The following HSD17B12 variants were observed in gnomAD, a reference collection of about 807,000 sequenced individuals.
The protein encoded by HSD17B12 is hydroxysteroid 17-beta dehydrogenase 12, also known as very-long-chain 3-oxoacyl-CoA reductase.
Under a neutral mutation model 39.3 loss-of-function variants are expected in HSD17B12, and 32 were observed. The observed-to-expected ratio is 0.81, with a 90% CI of 0.61 to 1.09. The LOEUF (loss-of-function observed/expected upper bound fraction) is 1.09. Ranked by LOEUF, HSD17B12 falls within the 50% of genes least tolerant of loss-of-function variation. The probability of loss-of-function intolerance (pLI) is 0.00; values close to 1 mark genes in which losing one functional copy is unlikely to be tolerated. For synonymous variants in HSD17B12, 150 were observed against 146.7 expected (o/e 1.02, Z -0.16); for missense variants, 342 against 382.9 (o/e 0.89, Z 0.89).
intron 1 of HSD17B12, among the ~76,000 whole-genome samples, chr11:43,703,525 C>T (rs938744171): frequency 6.6e-6 from 1 of 152,190 alleles, no homozygotes; most frequent in Non-Finnish European, 1.5e-5. Context: ...TAGTAGAATT[C>T]AGTAGTGAAC....
In HSD17B12 at chr11:43,680,760, G is replaced by A; in HGVS notation, c.-68G>A. On this transcript the variant is annotated 5_prime_UTR_variant, in exon 1 of 11. Transcript: ENST00000278353. ...AGTGTCATCCTCACCGTCACGGCCG[G>A]CGCCTCCTCCTGGATTCATTCACTC... 7.0e-7 allele frequency: 1 copy of A among 1,422,222 alleles called. No homozygotes were observed. The highest frequency in any genetic ancestry group is 9.9e-7 in the Non-Finnish European group (1 of 1,006,810). The allele number at this position is 1,422,222 out of a possible 1,614,324, so 88.1% of individuals were successfully genotyped here. A position where few individuals can be genotyped will look rare whatever the true frequency, so the allele number is the denominator to read the frequency against.
At chr11:43,847,578 A>G (rs1951488634) in intron 9 of HSD17B12, among the ~76,000 whole-genome samples, 1 of 151,944 alleles carries the variant, frequency 6.6e-6, no homozygotes, top group Admixed American at 6.6e-5. Context: ...GTGGTGGTGC[A>G]TGCCTGTGGT....
At chr11:43,656,924 G>A in the HSD17B12 span, among the ~76,000 whole-genome samples, 1 of 152,116 alleles carries the variant, frequency 6.6e-6, no homozygotes, top group Admixed American at 6.5e-5. Context: ...GGTCTGCTTG[G>A]TGCAGAGCTG....
chr11:43,738,814 C>T (rs1680009671), intron 1 of HSD17B12, among the ~76,000 whole-genome samples: 1 of 152,076 alleles, frequency 6.6e-6, no homozygotes, highest in Non-Finnish European at 1.5e-5. Flanking sequence ...ACCAGCATGG[C>T]TAGATAGTAG....
At chr11:43,569,081 T>C in the HSD17B12 span, among the ~76,000 whole-genome samples, 8 of 152,152 alleles carry the variant, frequency 5.3e-5, no homozygotes, top group Admixed American at 1.3e-4. Flanking sequence ...CATTTTCACA[T>C]TGGTTCTTAC....
the HSD17B12 span, among the ~76,000 whole-genome samples, chr11:43,560,923 CA>C: frequency 6.6e-6 from 1 of 151,002 alleles, no homozygotes; most frequent in Non-Finnish European, 1.5e-5. Flanking sequence ...GAATCCGCAG[CA>C]AAAAAAAACT....
the HSD17B12 span, among the ~76,000 whole-genome samples, chr11:43,630,341 C>A: frequency 6.6e-6 from 1 of 152,128 alleles, no homozygotes; most frequent in African/African-American, 2.4e-5. Flanking sequence ...GCTTTGACAA[C>A]CTGTGTTTCA....
the HSD17B12 span, among the ~76,000 whole-genome samples, chr11:43,602,226 T>A: frequency 6.6e-6 from 1 of 152,222 alleles, no homozygotes; most frequent in East Asian, 1.9e-4. Context: ...ATAAAATCAA[T>A]ACATGTTCAT....
At chr11:43,626,773 A>T in the HSD17B12 span, among the ~76,000 whole-genome samples, 1 of 152,004 alleles carries the variant, frequency 6.6e-6, no homozygotes, top group East Asian at 1.9e-4. Context: ...ATATCTTACT[A>T]AATATTTACA....
chr11:43,616,840 C>T, the HSD17B12 span, among the ~76,000 whole-genome samples: 2 of 140,840 alleles, frequency 1.4e-5, no homozygotes, highest in East Asian at 2.1e-4. Flanking sequence ...GGAATGGTGG[C>T]GGGGGCCAGT....
chr11:43,625,552 T>C, the HSD17B12 span, among the ~76,000 whole-genome samples: 13 of 151,456 alleles, frequency 8.6e-5, no homozygotes, highest in Non-Finnish European at 1.5e-4. Flanking sequence ...TCATATATAA[T>C]ATATTTTAAG....
chr11:43,783,526 C>T (rs970417032), intron 3 of HSD17B12, among the ~76,000 whole-genome samples: 2 of 151,264 alleles, frequency 1.3e-5, no homozygotes, highest in African/African-American at 4.9e-5. Flanking sequence ...AACTCGTAAT[C>T]TACATTAGGT....
At chr11:43,706,240 G>C (rs1202452054) in intron 1 of HSD17B12, among the ~76,000 whole-genome samples, 2 of 152,108 alleles carry the variant, frequency 1.3e-5, no homozygotes, top group Non-Finnish European at 2.9e-5. Flanking sequence ...AAGGACTCTA[G>C]GATAATAAGA....
chr11:43,847,933 G>A (rs941044992), intron 9 of HSD17B12, among the ~76,000 whole-genome samples: 1 of 152,120 alleles, frequency 6.6e-6, no homozygotes, highest in Admixed American at 6.5e-5. Context: ...ATTTTTTAAT[G>A]AAAGAAGATA....
At chr11:43,832,595 C>T (rs1265935395) in intron 7 of HSD17B12, among the ~76,000 whole-genome samples, 1 of 152,190 alleles carries the variant, frequency 6.6e-6, no homozygotes, top group African/African-American at 2.4e-5. Context: ...GGGAACTTCA[C>T]TGCTATCTCT....
chr11:43,578,951 C>G, the HSD17B12 span: 1 of 152,146 alleles, frequency 6.6e-6, no homozygotes, highest in African/African-American at 2.4e-5. Context: ...AGCACGGATT[C>G]CCAAGTCGTG....
At chr11:43,615,636 G>A in the HSD17B12 span, among the ~76,000 whole-genome samples, 10 of 152,132 alleles carry the variant, frequency 6.6e-5, no homozygotes, top group South Asian at 4.1e-4. Flanking sequence ...GACATAATGC[G>A]TTTTCCTTTT....
intron 3 of HSD17B12, among the ~76,000 whole-genome samples, chr11:43,759,064 G>A (rs1012209134): frequency 6.6e-6 from 1 of 152,138 alleles, no homozygotes; most frequent in Non-Finnish European, 1.5e-5. Flanking sequence ...GTCTCTTCTA[G>A]TCCAACATTT....
intron 3 of HSD17B12, among the ~76,000 whole-genome samples, chr11:43,778,515 G>T (rs1468531311): frequency 6.0e-5 from 9 of 151,170 alleles, no homozygotes; most frequent in Non-Finnish European, 5.9e-5. Flanking sequence ...TACCAAAGCC[G>T]GGCAGAGACA....
Sources: gnomAD v4.1 joint callset for allele counts (sites outside exome capture counted in the v4.1 genomes callset) on GRCh38, gnomAD v4.1.1 for gene constraint, MANE v1.5 for transcripts, NCBI Gene and HGNC (gene_info 2026-07-23, HGNC 2026-07-21) for gene names.